Variants in ACMSD observed in about 807,000 individuals in gnomAD.
The protein encoded by ACMSD is aminocarboxymuconate semialdehyde decarboxylase, also known as 2-amino-3-carboxymuconate-6-semialdehyde decarboxylase.
ACMSD carries 37 observed loss-of-function variants against 45.9 expected under a neutral mutation model. The ratio of observed to expected loss-of-function variants is 0.81; its 90% CI spans 0.62 to 1.06. The LOEUF is 1.06. ACMSD is among the 50% of genes least tolerant of loss of function. ACMSD has a pLI of 0.00. For synonymous variants in ACMSD, 138 were observed against 148.8 expected, an observed-to-expected ratio of 0.93 and a Z score of 0.53; for missense variants, 434 against 420.9, an observed-to-expected ratio of 1.03 and a Z score of -0.27.
At chr2:134,864,168 G>A (rs910979556) in intron 5 of ACMSD, among the ~76,000 whole-genome samples, 3 of 151,856 alleles carry the variant, frequency 2.0e-5, no homozygotes, top group African/African-American at 7.3e-5. Context: ...CTACTTGGGA[G>A]GCTGAGGCAT....
intron 8 of ACMSD, among the ~76,000 whole-genome samples, chr2:134,881,674 T>C (rs1364711713): frequency 1.3e-5 from 2 of 152,166 alleles, no homozygotes; most frequent in African/African-American, 2.4e-5. Context: ...GACCATACCA[T>C]ACGTATTAGA....
intron 9 of ACMSD, among the ~76,000 whole-genome samples, chr2:134,900,320 A>T (rs1365965025): frequency 1.3e-5 from 2 of 152,182 alleles, no homozygotes. Flanking sequence ...GATGTGAATC[A>T]TCCCTTTGCC....
At chr2:134,867,718 T>C (rs752537884) in intron 6 of ACMSD, 46 bp downstream of exon 6, 18 of 1,512,914 alleles carry the variant, frequency 1.2e-5, no homozygotes, top group Middle Eastern at 1.7e-4. Context: ...ACTCTTGGGT[T>C]TTTCCAATCA....
chr2:134,847,451 T>C (rs144299029), intron 2 of ACMSD, among the ~76,000 whole-genome samples: 7 of 143,862 alleles, frequency 4.9e-5, no homozygotes, highest in Non-Finnish European at 9.1e-5. Flanking sequence ...TAGATAGATA[T>C]AGATAGAGAT....
chr2:134,901,650 A>G, intron 9 of ACMSD, 148 bp from the exon 10 acceptor site: 1 of 461,188 alleles, frequency 2.2e-6, no homozygotes, highest in Non-Finnish European at 3.9e-6. Flanking sequence ...ATAGGTCAAG[A>G]GGATTTTGGT....
chr2:134,887,402 C>CTTTT (rs1156271109), intron 8 of ACMSD, among the ~76,000 whole-genome samples: 1 of 151,972 alleles, frequency 6.6e-6, no homozygotes, highest in Non-Finnish European at 1.5e-5. Flanking sequence ...TATATCCATT[C>CTTTT]TTTTTCTTTC....
At chr2:134,867,844 T>A (rs1573657455) in intron 6 of ACMSD, 172 bp downstream of exon 6, 2 of 383,440 alleles carry the variant, frequency 5.2e-6, no homozygotes, top group Non-Finnish European at 4.7e-6. Flanking sequence ...TATATATATA[T>A]AACCTCATTT....
chr2:134,839,624 A>G (rs1310748651), intron 1 of ACMSD, among the ~76,000 whole-genome samples: 1 of 152,228 alleles, frequency 6.6e-6, no homozygotes, highest in Non-Finnish European at 1.5e-5. Context: ...GTGCAAATAG[A>G]TGAAACTATT....
rs972698013 is a variant in ACMSD, at chr2:134,884,266, T to C, written c.849+11625T>C. Among the ~76,000 whole-genome samples the C allele has an allele frequency of 4.6e-5, 7 of 152,148 alleles. No individual in the cohort carries two copies. In the South Asian group the frequency reaches 6.2e-4, roughly 14 times the overall value. On this transcript the variant is annotated intron_variant, in intron 8 of 9. Transcript: ENST00000356140. ...TCTGCAATGGGCATCCAAAATCAAG[T>C]TAGGAAGGAAAGCAGGGAAGTGTCT...
In ACMSD at chr2:134,838,622, T is replaced by C; in HGVS notation, c.-61T>C. 6.8e-7 allele frequency: 1 copy of C among 1,462,146 alleles called. No homozygotes were observed. Among genetic ancestry groups the C allele is most frequent in the Non-Finnish European group, 9.5e-7 (1 of 1,050,864 alleles). The allele number at this position is 1,462,146 out of a possible 1,614,324, so 90.6% of individuals were successfully genotyped here. A position where few individuals can be genotyped will look rare whatever the true frequency, so the allele number is the denominator to read the frequency against. On this transcript the variant is annotated 5_prime_UTR_variant, in exon 1 of 10. Coordinates refer to ENST00000356140, the MANE Select transcript of ACMSD (RefSeq NM_138326.3). Reference sequence around the variant, plus strand: ...AAGTAAATCAATTAACTCCACAGTTTTCACAAAGGTCTCTTGATATCAAAA... The same window carrying C: ...AAGTAAATCAATTAACTCCACAGTTCTCACAAAGGTCTCTTGATATCAAAA...
intron 2 of ACMSD, among the ~76,000 whole-genome samples, chr2:134,847,440 A>G (rs866615203): frequency 6.9e-5 from 10 of 145,522 alleles, no homozygotes; most frequent in African/African-American, 1.3e-4. Context: ...AGATAGATAG[A>G]TAGATAGATA....
intron 1 of ACMSD, among the ~76,000 whole-genome samples, chr2:134,844,159 C>T (rs1441782727): frequency 1.3e-5 from 2 of 152,198 alleles, no homozygotes; most frequent in Non-Finnish European, 2.9e-5. Context: ...GTCATACTTA[C>T]CTATGTTTTC....
At chr2:134,865,912 G>C (rs1688074984) in intron 5 of ACMSD, among the ~76,000 whole-genome samples, 1 of 152,154 alleles carries the variant, frequency 6.6e-6, no homozygotes, top group Non-Finnish European at 1.5e-5. Context: ...ATCTGCCTTA[G>C]TTTTCTTCTC....
intron 6 of ACMSD, 105 bp from the exon 7 acceptor site, chr2:134,870,860 G>T: frequency 1.1e-6 from 1 of 906,694 alleles, no homozygotes. Flanking sequence ...CAGGGTACAA[G>T]GGCCTCAAGT....
chr2:134,850,963 G>A (rs1231700165), intron 2 of ACMSD, among the ~76,000 whole-genome samples: 1 of 152,086 alleles, frequency 6.6e-6, no homozygotes, highest in Non-Finnish European at 1.5e-5. Context: ...GGCCCCCTCT[G>A]GTAGTCCCCA....
At chr2:134,887,764 T>C (rs1365530917) in intron 8 of ACMSD, among the ~76,000 whole-genome samples, 1 of 152,120 alleles carries the variant, frequency 6.6e-6, no homozygotes, top group African/African-American at 2.4e-5. Context: ...AGCAATTACA[T>C]GGGGAAAGGA....
chr2:134,867,777 G>C (rs1688178528), intron 6 of ACMSD, 105 bp downstream of exon 6: 3 of 852,920 alleles, frequency 3.5e-6, no homozygotes, highest in Non-Finnish European at 5.6e-6. Flanking sequence ...ATAATTAACA[G>C]GATTATGAGT....
chr2:134,846,102 C>A (rs1363953880), intron 2 of ACMSD, among the ~76,000 whole-genome samples: 2 of 152,144 alleles, frequency 1.3e-5, no homozygotes, highest in African/African-American at 4.8e-5. Flanking sequence ...GATGCCCATC[C>A]CACATCTTAA....
rs115430602 is a variant in ACMSD at position 134,864,372 on chromosome 2, G to T, written c.486+741G>T. ...CGAAAATACAGAAAAGTATAAAGAT[G>T]ATAACAAACATTACCCATAATCCAG... On this transcript the variant is annotated intron_variant, in intron 5 of 9. Coordinates refer to ENST00000356140, the MANE Select transcript of ACMSD (RefSeq NM_138326.3). Among the ~76,000 whole-genome samples, 1,166 of 152,078 alleles carry T rather than the reference G, an allele frequency of 7.7e-3. 10 individuals carry two copies. Among genetic ancestry groups the T allele is most frequent in the African/African-American group, 0.024 (985 of 41,510 alleles).
Sources: allele counts gnomAD v4.1 joint callset (sites outside exome capture counted in the v4.1 genomes callset), GRCh38; gene constraint gnomAD v4.1.1; transcripts MANE v1.5; gene names NCBI Gene and HGNC (gene_info 2026-07-23, HGNC 2026-07-21).